The following ASIC2 variants were observed in gnomAD, a reference collection of about 807,000 sequenced individuals.
ASIC2 encodes acid-sensing ion channel 2.
Under a neutral mutation model 57.3 loss-of-function variants are expected in ASIC2, and 25 were observed. The observed-to-expected ratio is 0.44, with a 90% CI of 0.32 to 0.61. ASIC2 has a LOEUF of 0.61. Among genes scored for constraint, ASIC2 ranks in the 20% least tolerant of loss-of-function variants. The pLI is 0.06. For synonymous variants in ASIC2, 319 were observed against 307.5 expected, an observed-to-expected ratio of 1.04 and a Z score of -0.39; for missense variants, 641 against 738.1, an observed-to-expected ratio of 0.87 and a Z score of 1.52.
At chr17:33,256,143 T>C (rs1203596512) in intron 1 of ASIC2, among the ~76,000 whole-genome samples, 2 of 152,200 alleles carry the variant, frequency 1.3e-5, no homozygotes, top group Non-Finnish European at 2.9e-5. Flanking sequence ...CAAAAAATCA[T>C]ATAGACAAGA....
chr17:33,668,163 G>C (rs1024310769), intron 1 of ASIC2, among the ~76,000 whole-genome samples: 1 of 151,578 alleles, frequency 6.6e-6, no homozygotes, highest in Non-Finnish European at 1.5e-5. Flanking sequence ...CCAGCATAAA[G>C]CTCCCATTGC....
intron 7 of ASIC2, among the ~76,000 whole-genome samples, chr17:33,018,243 A>G (rs145984030): frequency 7.2e-5 from 11 of 152,278 alleles, no homozygotes; most frequent in Non-Finnish European, 1.2e-4. Flanking sequence ...TGGGGTTTAT[A>G]GGCCCCCATT....
chr17:34,138,313 A>G (rs1300992337), intron 1 of ASIC2, among the ~76,000 whole-genome samples: 2 of 152,252 alleles, frequency 1.3e-5, no homozygotes, highest in East Asian at 1.9e-4. Flanking sequence ...GCCAATGCTC[A>G]GTAAATGTTT....
intron 1 of ASIC2, among the ~76,000 whole-genome samples, chr17:34,129,001 T>A (rs531866202): frequency 5.9e-4 from 89 of 151,936 alleles, no homozygotes; most frequent in African/African-American, 2.1e-3. Flanking sequence ...GCAGAGGGAG[T>A]GAACATGAAT....
intron 1 of ASIC2, among the ~76,000 whole-genome samples, chr17:33,350,920 T>C (rs530172059): frequency 4.5e-4 from 68 of 152,280 alleles, no homozygotes; most frequent in African/African-American, 1.5e-3. Context: ...CTCCAGGAAA[T>C]GTGATCTCTT....
In ASIC2 at chr17:33,598,599, A is replaced by C. The variant is rs149648004; in HGVS notation, c.556-486532T>G. Among the ~76,000 whole-genome samples the C allele has an allele frequency of 9.8e-5, 15 of 152,310 alleles. No homozygotes were observed. The South Asian group carries it at 1.5e-3, about 15-fold the overall frequency. On this transcript the variant is annotated intron_variant, in intron 1 of 9. Transcript: ENST00000359872. ...AAAGAAAATTTTACTCAAGGAGAAG[A>C]AGCAAATGGACAGACAATTCCCCAC... is the stretch of plus-strand genomic sequence containing the variant.
chr17:33,686,690 C>T (rs1331302321), intron 1 of ASIC2, among the ~76,000 whole-genome samples: 1 of 152,196 alleles, frequency 6.6e-6, no homozygotes, highest in Non-Finnish European at 1.5e-5. Flanking sequence ...GGGATCACCT[C>T]CCAAACAGCT....
At position 33,088,896 on chromosome 17, in the gene ASIC2, C is replaced by T; in HGVS notation, c.954G>A (p.Gly318=). Residue 318 remains glycine (G), a synonymous_variant, in exon 3 of 10, where the codon GGG becomes GGA. Transcript: ENST00000225823. The part of the protein sequence containing the change: ...IQELGFGVAP[G]FQTFVATQEQ... ...CCTGTGTGGCCACAAAGGTCTGGAA[C>T]CCTGGAGCCACCCCAAAGCCCAGCT... 1 of 1,613,942 alleles carries T rather than the reference C, an allele frequency of 6.2e-7. No homozygotes were observed. Among genetic ancestry groups the T allele is most frequent in the Middle Eastern group, 1.7e-4 (1 of 5,998 alleles).
intron 1 of ASIC2, among the ~76,000 whole-genome samples, chr17:33,550,089 G>A (rs568453400): frequency 4.0e-5 from 6 of 151,878 alleles, no homozygotes; most frequent in African/African-American, 1.5e-4. Context: ...GTAGGTGAGA[G>A]CTGAGATAAA....
At chr17:33,868,292 G>A (rs1914299424) in intron 1 of ASIC2, among the ~76,000 whole-genome samples, 1 of 152,064 alleles carries the variant, frequency 6.6e-6, no homozygotes, top group Non-Finnish European at 1.5e-5. Context: ...CTCTGCCACT[G>A]TGGGATGAAA....
intron 1 of ASIC2, among the ~76,000 whole-genome samples, chr17:33,983,701 C>T (rs1241712382): frequency 6.6e-6 from 1 of 152,150 alleles, no homozygotes; most frequent in African/African-American, 2.4e-5. Context: ...GAAGACAGGG[C>T]CCATTTACTC....
At chr17:33,224,512 G>T (rs938200127) in intron 1 of ASIC2, among the ~76,000 whole-genome samples, 1 of 152,142 alleles carries the variant, frequency 6.6e-6, no homozygotes, top group African/African-American at 2.4e-5. Context: ...AAAATATAGA[G>T]AGCAAGAATA....
intron 1 of ASIC2, among the ~76,000 whole-genome samples, chr17:33,331,639 G>T (rs918257463): frequency 3.3e-5 from 5 of 152,118 alleles, no homozygotes; most frequent in Admixed American, 2.0e-4. Flanking sequence ...ATAACCCTTT[G>T]TTATGTCACA....
chr17:33,227,465 T>G (rs1208495825), intron 1 of ASIC2, among the ~76,000 whole-genome samples: 1 of 152,040 alleles, frequency 6.6e-6, no homozygotes, highest in Non-Finnish European at 1.5e-5. Context: ...TGATCAAGTG[T>G]GACAGTGAGA....
chr17:33,789,221 T>C (rs1004571479), intron 1 of ASIC2, among the ~76,000 whole-genome samples: 1 of 152,170 alleles, frequency 6.6e-6, no homozygotes, highest in Non-Finnish European at 1.5e-5. Context: ...ATTTTCTTTA[T>C]AAATTACCCA....
chr17:33,045,442 G>T (rs1230798880), intron 3 of ASIC2, among the ~76,000 whole-genome samples: 3 of 152,172 alleles, frequency 2.0e-5, no homozygotes, highest in Non-Finnish European at 4.4e-5. Context: ...ATTGAAACAG[G>T]GGGAGGAGAA....
chr17:34,099,197 A>T (rs1340848920), intron 1 of ASIC2, among the ~76,000 whole-genome samples: 1 of 123,846 alleles, frequency 8.1e-6, no homozygotes, highest in African/African-American at 3.9e-5. Flanking sequence ...AGAAAGAAAG[A>T]AAGAAAGAAA....
At chr17:33,192,013 A>G (rs1906440862) in intron 1 of ASIC2, among the ~76,000 whole-genome samples, 1 of 151,238 alleles carries the variant, frequency 6.6e-6, no homozygotes, top group South Asian at 2.1e-4. Flanking sequence ...TCTGTTTTCT[A>G]CTCCTTCCCC....
At chr17:33,754,525 A>T (rs1910531401) in intron 1 of ASIC2, among the ~76,000 whole-genome samples, 1 of 152,248 alleles carries the variant, frequency 6.6e-6, no homozygotes, top group Admixed American at 6.5e-5. Context: ...GTAAACTGCA[A>T]ACTCTGAAAG....
Sources: gnomAD v4.1 joint callset for allele counts (sites outside exome capture counted in the v4.1 genomes callset) on GRCh38, gnomAD v4.1.1 for gene constraint, MANE v1.5 for transcripts, NCBI Gene and HGNC (gene_info 2026-07-23, HGNC 2026-07-21) for gene names.